PPP3CA: variants seen among roughly 807,000 people sequenced by gnomAD.
The protein encoded by PPP3CA is CAM-PRP catalytic subunit.
A neutral mutation model predicts 66.5 loss-of-function variants in PPP3CA; 14 were observed. The observed-to-expected ratio is 0.21, with a 90% CI of 0.14 to 0.33. The LOEUF (loss-of-function observed/expected upper bound fraction) is 0.33. Among genes scored for constraint, PPP3CA ranks in the 10% least tolerant of loss-of-function variants. PPP3CA has a pLI of 1.00. For synonymous variants in PPP3CA, 232 were observed against 226.2 expected (o/e 1.03, Z -0.23); for missense variants, 317 against 639.5 (o/e 0.50, Z 5.44).
intron 1 of PPP3CA, among the ~76,000 whole-genome samples, chr4:101,286,171 A>G (rs1399665792): frequency 6.6e-6 from 1 of 152,200 alleles, no homozygotes; most frequent in East Asian, 1.9e-4. Context: ...ATCAAATGCC[A>G]CTGCTGATCT....
At chr4:101,309,778 T>C (rs532443158) in intron 1 of PPP3CA, among the ~76,000 whole-genome samples, 1 of 152,336 alleles carries the variant, frequency 6.6e-6, no homozygotes, top group Non-Finnish European at 1.5e-5. Flanking sequence ...AGAGAGACAC[T>C]GTTCTCTAAC....
At chr4:101,261,648 G>T (rs1285626152) in intron 1 of PPP3CA, among the ~76,000 whole-genome samples, 1 of 151,860 alleles carries the variant, frequency 6.6e-6, no homozygotes, top group African/African-American at 2.4e-5. Context: ...TTAAAAAATA[G>T]AACTTCACTT....
chr4:101,229,550 T>C (rs1725892939), intron 1 of PPP3CA, among the ~76,000 whole-genome samples: 2 of 151,710 alleles, frequency 1.3e-5, no homozygotes, highest in African/African-American at 4.8e-5. Flanking sequence ...TATTTTGATC[T>C]ATTTATTCTT....
chr4:101,305,172 C>T (rs1302987094), intron 1 of PPP3CA, among the ~76,000 whole-genome samples: 1 of 152,162 alleles, frequency 6.6e-6, no homozygotes, highest in Non-Finnish European at 1.5e-5. Flanking sequence ...AGCAAATGAT[C>T]CCAGTGGTTT....
intron 2 of PPP3CA, among the ~76,000 whole-genome samples, chr4:101,152,873 A>G (rs926028087): frequency 3.9e-5 from 6 of 152,250 alleles, no homozygotes; most frequent in Non-Finnish European, 8.8e-5. Flanking sequence ...ACTAAAAAAA[A>G]GAAAAGGAAA....
At chr4:101,307,148 G>A (rs1287824480) in intron 1 of PPP3CA, among the ~76,000 whole-genome samples, 1 of 145,512 alleles carries the variant, frequency 6.9e-6, no homozygotes, top group Non-Finnish European at 1.5e-5. Context: ...ATTAATCACT[G>A]CACTAATTTC....
At chr4:101,344,472 A>AT (rs1253600996) in intron 1 of PPP3CA, among the ~76,000 whole-genome samples, 1 of 152,244 alleles carries the variant, frequency 6.6e-6, no homozygotes, top group Non-Finnish European at 1.5e-5. Flanking sequence ...AAACTTCTAT[A>AT]AACAAAATTT....
intron 8 of PPP3CA, among the ~76,000 whole-genome samples, chr4:101,079,527 C>T (rs1296590835): frequency 6.6e-6 from 1 of 151,960 alleles, no homozygotes; most frequent in Non-Finnish European, 1.5e-5. Context: ...TACAGGCACT[C>T]GCCACCACGG....
intron 2 of PPP3CA, among the ~76,000 whole-genome samples, chr4:101,130,752 C>T (rs1248628755): frequency 6.6e-6 from 1 of 152,028 alleles, no homozygotes; most frequent in Non-Finnish European, 1.5e-5. Flanking sequence ...CACTAAATAT[C>T]GAAAGGAAAA....
chr4:101,323,305 G>A (rs1201370991), intron 1 of PPP3CA, among the ~76,000 whole-genome samples: 1 of 152,130 alleles, frequency 6.6e-6, no homozygotes, highest in Non-Finnish European at 1.5e-5. Flanking sequence ...ATACTCAACT[G>A]TGCTACTATA....
At chr4:101,278,140 T>TAAAAAAAAAAAAAAAAAAAAAAAAA (rs1394423187) in intron 1 of PPP3CA, among the ~76,000 whole-genome samples, 6 of 118,734 alleles carry the variant, frequency 5.1e-5, no homozygotes, top group East Asian at 2.2e-4. Context: ...AAAAAAAAAA[T>TAAAAAAAAAAAAAAAAAAAAAAAAA]AAAAAAATTA....
At chr4:101,285,303 G>A (rs1727804164) in intron 1 of PPP3CA, among the ~76,000 whole-genome samples, 1 of 152,138 alleles carries the variant, frequency 6.6e-6, no homozygotes, top group Non-Finnish European at 1.5e-5. Context: ...AGTAGTAGAA[G>A]AGGAGATTAT....
At chr4:101,200,585 G>C (rs1279872923) in intron 1 of PPP3CA, among the ~76,000 whole-genome samples, 1 of 152,066 alleles carries the variant, frequency 6.6e-6, no homozygotes, top group Non-Finnish European at 1.5e-5. Context: ...GTGATCTTTT[G>C]AGCCTATATT....
chr4:101,269,167 T>C (rs962757000), intron 1 of PPP3CA, among the ~76,000 whole-genome samples: 1 of 152,146 alleles, frequency 6.6e-6, no homozygotes, highest in Admixed American at 6.6e-5. Flanking sequence ...TGACAGGCTA[T>C]AATAAATCTT....
At chr4:101,281,624 G>A (rs1727687099) in intron 1 of PPP3CA, among the ~76,000 whole-genome samples, 1 of 152,150 alleles carries the variant, frequency 6.6e-6, no homozygotes, top group Non-Finnish European at 1.5e-5. Flanking sequence ...AGTTATTTAG[G>A]CTATGCTACA....
chr4:101,092,951 T>C (rs113413255), intron 6 of PPP3CA, among the ~76,000 whole-genome samples: 7 of 152,304 alleles, frequency 4.6e-5, no homozygotes, highest in African/African-American at 1.4e-4. Context: ...GAATGATATA[T>C]AATCCTTTGG....
At chr4:101,282,781 T>C (rs1727726616) in intron 1 of PPP3CA, among the ~76,000 whole-genome samples, 1 of 152,136 alleles carries the variant, frequency 6.6e-6, no homozygotes, top group Non-Finnish European at 1.5e-5. Context: ...CACAGAAACA[T>C]GGCTGATTTA....
chr4:101,144,283 G>A (rs567337244), intron 2 of PPP3CA, among the ~76,000 whole-genome samples: 2 of 152,136 alleles, frequency 1.3e-5, no homozygotes, highest in South Asian at 2.1e-4. Flanking sequence ...TGGAATATAC[G>A]TATATACTAA....
In PPP3CA at chr4:101,345,257, C is replaced by T. The variant is rs529428973; in HGVS notation, c.58+1482G>A. Among the ~76,000 whole-genome samples, 75 of 152,272 alleles carry T rather than the reference C, an allele frequency of 4.9e-4. 1 individual carries two copies. Among genetic ancestry groups the T allele is most frequent in the Middle Eastern group, 3.4e-3 (1 of 294 alleles). ...AAAAAGGGAACGTAATTTCCCCCATCACCACCACCACTCACACAGAAAAAT... is the reference window on the plus strand; with the variant it reads ...AAAAAGGGAACGTAATTTCCCCCATTACCACCACCACTCACACAGAAAAAT... On this transcript the variant is annotated intron_variant, in intron 1 of 13. Transcript: ENST00000394854.
Sources: gnomAD v4.1 joint callset for allele counts (sites outside exome capture counted in the v4.1 genomes callset) on GRCh38, gnomAD v4.1.1 for gene constraint, MANE v1.5 for transcripts, NCBI Gene and HGNC (gene_info 2026-07-23, HGNC 2026-07-21) for gene names.